ZNF559: variants seen among roughly 807,000 people sequenced by gnomAD.
The protein encoded by ZNF559 is putative protein product of Nbla00121.
ZNF559 carries 17 observed loss-of-function variants against 14.2 expected under a neutral mutation model. That is an observed-to-expected ratio of 1.20 (90% CI 0.82 to 1.80). The LOEUF (loss-of-function observed/expected upper bound fraction) is 1.80, where lower values mean the gene tolerates loss of function less well. Ranked by LOEUF, ZNF559 falls within the 40% of genes most tolerant of loss-of-function variation. The probability of loss-of-function intolerance (pLI) is 0.00; values close to 1 mark genes in which losing one functional copy is unlikely to be tolerated. For synonymous variants in ZNF559, 244 were observed against 212.4 expected (o/e 1.15, Z -1.29); for missense variants, 740 against 629.7 (o/e 1.18, Z -1.88).
intron 1 of ZNF559, 69 bp from the exon 2 acceptor site, chr19:9,324,626 C>CCG (rs1568354697): frequency 5.8e-6 from 6 of 1,041,208 alleles, no homozygotes; most frequent in Middle Eastern, 2.2e-4. Flanking sequence ...AGACCCCCCC[C>CCG]CCCAACCATC....
chr19:9,332,355 G>GTATATATATA (rs1555728482), intron 2 of ZNF559, among the ~76,000 whole-genome samples: 27 of 150,054 alleles, frequency 1.8e-4, no homozygotes, highest in African/African-American at 6.3e-4. Context: ...ATGTGTGTGT[G>GTATATATATA]TATATATATA....
intron 2 of ZNF559, among the ~76,000 whole-genome samples, chr19:9,337,461 TGTTGA>T (rs370131061): frequency 1.2e-3 from 187 of 152,330 alleles, no homozygotes; most frequent in African/African-American, 4.3e-3. Flanking sequence ...AACCCAGGCC[TGTTGA>T]GTTAACCTTT....
At chr19:9,335,238 A>C (rs984226514) in intron 2 of ZNF559, among the ~76,000 whole-genome samples, 1 of 151,564 alleles carries the variant, frequency 6.6e-6, no homozygotes, top group Admixed American at 6.6e-5. Flanking sequence ...GGAGTTCAAG[A>C]TCAGCCTTTC....
chr19:9,341,427 A>G (rs1357815379), intron 6 of ZNF559: 2 of 770,230 alleles, frequency 2.6e-6, no homozygotes, highest in East Asian at 5.3e-5. Flanking sequence ...TGTTTTTGAT[A>G]AATAATTCAC....
rs1327817283 is a variant in ZNF559, at chr19:9,324,203, A to AT, written c.-231_-230insT. 1.3e-6 allele frequency: 2 copies of AT among 1,533,930 alleles called. No homozygotes were observed. The highest frequency in any genetic ancestry group is 2.4e-5 in the South Asian group (2 of 83,940). ...CATGCGCATAACGGCCGCCATCTTA[A>AT]CAGCGCGTTCCCGTTGGCGTCTGAG... On this transcript the variant is annotated 5_prime_UTR_variant, in exon 1 of 7. It removes the in-frame stop codon of an upstream open reading frame in the 5' UTR. Coordinates refer to ENST00000603380, the MANE Select transcript of ZNF559 (RefSeq NM_032497.3).
chr19:9,343,087 A>G lies in ZNF559; in HGVS notation c.*19A>G. 1 of 1,592,940 alleles carries G rather than the reference A, an allele frequency of 6.3e-7. No individual in the cohort carries two copies. Among genetic ancestry groups the G allele is most frequent in the African/African-American group, 1.3e-5 (1 of 74,688 alleles). ...TGTGTGAATTGGGGCTGATACTTGGAAAGAATGTGGTAAAGCCACTACTTC... is the reference window on the plus strand; with the variant it reads ...TGTGTGAATTGGGGCTGATACTTGGGAAGAATGTGGTAAAGCCACTACTTC... On this transcript the variant is annotated 3_prime_UTR_variant, in exon 7 of 7. Coordinates refer to ENST00000603380, the MANE Select transcript of ZNF559 (RefSeq NM_032497.3).
rs760168621 is a variant in ZNF559 at position 9,344,938 on chromosome 19, C to T, written c.*1870C>T. ...ACACATACACATATGTGTACATACA[C>T]ACCATCAAGATAATGAACATACCTA... On this transcript the variant is annotated 3_prime_UTR_variant, in exon 7 of 7. Transcript: ENST00000603380. 2.0e-5 allele frequency: 3 copies of T among 152,168 alleles called. No individual in the cohort carries two copies. Among genetic ancestry groups the T allele is most frequent in the Non-Finnish European group, 4.4e-5 (3 of 68,032 alleles). The allele number at this position is 152,168 out of a possible 1,614,324, so 9.4% of individuals were successfully genotyped here. A position where few individuals can be genotyped will look rare whatever the true frequency, so the allele number is the denominator to read the frequency against.
chr19:9,339,272 T>G lies in ZNF559; in HGVS notation c.113T>G (p.Leu38Ter). Residue 38 changes from leucine to a stop codon, truncating the protein, a stop_gained, in exon 5 of 7, where the codon TTA becomes TGA. Coordinates refer to ENST00000603380, the MANE Select transcript of ZNF559 (RefSeq NM_032497.3). LOFTEE classifies it high-confidence loss of function. ...TTGCTGGATCAAACTCAGAGAAACT[T>G]ATACAGAGATGTGATGCTGGAGAAC... ...WTLLDQTQRN[L>*]YRDVMLENYK... 6.2e-7 allele frequency: 1 copy of G among 1,613,926 alleles called. No homozygotes were observed. Among genetic ancestry groups the G allele is most frequent in the Non-Finnish European group, 8.5e-7 (1 of 1,179,938 alleles).
rs1407754523 is a variant in ZNF559, at chr19:9,324,414, C to T, written c.-206+186C>T. 2.1e-6 allele frequency: 3 copies of T among 1,450,180 alleles called. No individual in the cohort carries two copies. In the Admixed American group the frequency reaches 8.0e-5, roughly 39 times the overall value. The allele number at this position is 1,450,180 out of a possible 1,614,324, so 89.8% of individuals were successfully genotyped here. ...TGAGAGCCACAGTCAGGTCTGTCCTCAGGGGTCGAGGCGGCTGCGCTGGGG... is the reference window on the plus strand; with the variant it reads ...TGAGAGCCACAGTCAGGTCTGTCCTTAGGGGTCGAGGCGGCTGCGCTGGGG... On this transcript the variant is annotated intron_variant, in intron 1 of 6. Coordinates refer to ENST00000603380, the MANE Select transcript of ZNF559 (RefSeq NM_032497.3).
At chr19:9,331,557 A>G (rs749970821) in intron 2 of ZNF559, among the ~76,000 whole-genome samples, 1 of 152,258 alleles carries the variant, frequency 6.6e-6, no homozygotes, top group Non-Finnish European at 1.5e-5. Context: ...GACAAAGGGC[A>G]TTATATAATA....
Position 9,343,791 on chromosome 19 carries a change from A to G in ZNF559, c.*723A>G. ...CCATATCAGAATGCTTTTGGTAAAT[A>G]TACATGTTTTAAAGAGGTTATATAT... On this transcript the variant is annotated 3_prime_UTR_variant, in exon 7 of 7. Coordinates refer to ENST00000603380, the MANE Select transcript of ZNF559 (RefSeq NM_032497.3). 1.0e-6 allele frequency: 1 copy of G among 985,606 alleles called. No homozygotes were observed. The highest frequency in any genetic ancestry group is 1.2e-6 in the Non-Finnish European group (1 of 830,056). 61.1% of individuals were successfully genotyped at this position (985,606 alleles called of 1,614,324 possible). A position where few individuals can be genotyped will look rare whatever the true frequency, so the allele number is the denominator to read the frequency against.
chr19:9,338,727 G>A (rs2067376092), intron 4 of ZNF559, 145 bp downstream of exon 4: 1 of 620,682 alleles, frequency 1.6e-6, no homozygotes, highest in Non-Finnish European at 2.9e-6. Flanking sequence ...CGGACCACAG[G>A]GCCTCTCACA....
In ZNF559 at chr19:9,339,568, G is replaced by C. The variant is rs79300784; in HGVS notation, c.160+249G>C. Among the ~76,000 whole-genome samples the C allele has an allele frequency of 3.7e-3, 568 of 152,146 alleles. 8 individuals are homozygous for C. The highest frequency in any genetic ancestry group is 0.013 in the African/African-American group (533 of 41,516). ...GAATATGTGTATGAGCTTAAGCCTG[G>C]GTTTCATGGGAAGGATTGCTAGTCC... is the stretch of plus-strand genomic sequence containing the variant. On this transcript the variant is annotated intron_variant, in intron 5 of 6. Coordinates refer to ENST00000603380, the MANE Select transcript of ZNF559 (RefSeq NM_032497.3).
At chr19:9,333,681 C>G (rs1187951994) in intron 2 of ZNF559, among the ~76,000 whole-genome samples, 1 of 150,906 alleles carries the variant, frequency 6.6e-6, no homozygotes, top group Non-Finnish European at 1.5e-5. Context: ...CAGAACAGGG[C>G]CCTGTCCCCC....
In ZNF559 at chr19:9,324,211, T is replaced by C. The variant is rs573306315; in HGVS notation, c.-223T>C. The C allele has an allele frequency of 1.7e-4, 257 of 1,536,034 alleles. 1 individual carries two copies. The highest frequency in any genetic ancestry group is 1.7e-4 in the Middle Eastern group (1 of 5,990). On this transcript the variant is annotated 5_prime_UTR_variant, in exon 1 of 7. Transcript: ENST00000603380. ...TAACGGCCGCCATCTTAACAGCGCGTTCCCGTTGGCGTCTGAGGTAAGTTT... is the reference window on the plus strand; with the variant it reads ...TAACGGCCGCCATCTTAACAGCGCGCTCCCGTTGGCGTCTGAGGTAAGTTT...
chr19:9,341,903 A>G lies in ZNF559; in HGVS notation c.452A>G (p.Gln151Arg), dbSNP rs1354872374. Residue 151 changes from glutamine (Q) to arginine (R), a missense_variant, in exon 7 of 7, where the codon CAA becomes CGA. By Grantham distance (43) the Gln-to-Arg change is conservative. Coordinates refer to ENST00000603380, the MANE Select transcript of ZNF559 (RefSeq NM_032497.3). ...DIGEELPNCN[Q>R]CETAFSQHLH... is the part of the protein sequence containing the mutation. Reference sequence around the variant, plus strand: ...GGAGAGGAACTTCCTAACTGTAATCAATGTGAAACAGCCTTCAGCCAACAT... The same window carrying G: ...GGAGAGGAACTTCCTAACTGTAATCGATGTGAAACAGCCTTCAGCCAACAT... The G allele has an allele frequency of 1.2e-6, 2 of 1,612,196 alleles. No homozygotes were observed. Among genetic ancestry groups the G allele is most frequent in the East Asian group, 2.2e-5 (1 of 44,858 alleles).
At chr19:9,326,394 C>T (rs903188239) in intron 2 of ZNF559, among the ~76,000 whole-genome samples, 1 of 152,192 alleles carries the variant, frequency 6.6e-6, no homozygotes, top group African/African-American at 2.4e-5. Context: ...CATGCCCCGC[C>T]ATTCACCTGA....
upstream of ZNF559, chr19:9,324,146 CT>C: frequency 6.5e-7 from 1 of 1,535,666 alleles, no homozygotes; most frequent in Non-Finnish European, 8.7e-7. Context: ...TGGTCCTAGC[CT>C]TTGCGCGTGC....
Position 9,342,192 on chromosome 19 carries a change from G to GAA in ZNF559, c.743_744dup (p.Pro249AsnfsTer13). ...AATTCTATGAATGTAAAGCATGTGG[G>GAA]AAACCCTTCACTGAGTCGTCATATC... On this transcript the variant is annotated frameshift_variant, in exon 7 of 7. Coordinates refer to ENST00000603380, the MANE Select transcript of ZNF559 (RefSeq NM_032497.3). LOFTEE classifies it low-confidence loss of function (END_TRUNC). 1 of 1,606,178 alleles carries GAA rather than the reference G, an allele frequency of 6.2e-7. No homozygotes were observed. Among genetic ancestry groups the GAA allele is most frequent in the East Asian group, 2.2e-5 (1 of 44,854 alleles).
Sources: allele counts gnomAD v4.1 joint callset (sites outside exome capture counted in the v4.1 genomes callset), GRCh38; gene constraint gnomAD v4.1.1; transcripts MANE v1.5; gene names NCBI Gene and HGNC (gene_info 2026-07-23, HGNC 2026-07-21).